OSBPL6: variants seen among roughly 807,000 people sequenced by gnomAD.
The protein encoded by OSBPL6 is oxysterol-binding protein-related protein 6.
OSBPL6 carries 49 observed loss-of-function variants against 125.8 expected under a neutral mutation model. The observed-to-expected ratio is 0.39, with a 90% CI of 0.31 to 0.49. The LOEUF (loss-of-function observed/expected upper bound fraction) is 0.49. Among genes scored for constraint, OSBPL6 ranks in the 20% least tolerant of loss-of-function variants. The pLI is 0.88. For missense variants in OSBPL6, 986 were observed against 1,135.4 expected, an observed-to-expected ratio of 0.87 and a Z score of 1.89; for synonymous variants, 394 against 391.8, an observed-to-expected ratio of 1.01 and a Z score of -0.07.
intron 3 of OSBPL6, among the ~76,000 whole-genome samples, chr2:178,306,970 CA>C (rs1288359816): frequency 1.3e-5 from 2 of 152,200 alleles, no homozygotes; most frequent in Non-Finnish European, 2.9e-5. Flanking sequence ...GTTGTTATTT[CA>C]GCCAGCACAG....
chr2:178,277,336 G>A (rs1400718461), intron 1 of OSBPL6, among the ~76,000 whole-genome samples: 1 of 152,130 alleles, frequency 6.6e-6, no homozygotes, highest in South Asian at 2.1e-4. Flanking sequence ...ATTCTTAGCT[G>A]TATGATCAGT....
rs551863784 is a variant in OSBPL6 at position 178,345,400 on chromosome 2, A to G, written c.988-3824A>G. ...ATGATTAGTAATTGGCTCTTGCCTTATATGTGGGTGTTTAGCTAGACTGAG... is the reference window on the plus strand; with the variant it reads ...ATGATTAGTAATTGGCTCTTGCCTTGTATGTGGGTGTTTAGCTAGACTGAG... On this transcript the variant is annotated intron_variant, in intron 11 of 24. Transcript: ENST00000190611. Among the ~76,000 whole-genome samples, 25 of 152,322 alleles carry G rather than the reference A, an allele frequency of 1.6e-4. No homozygotes were observed. The South Asian group carries it at 5.0e-3, about 30-fold the overall frequency.
At chr2:178,303,945 G>T (rs80223128) in intron 2 of OSBPL6, among the ~76,000 whole-genome samples, 1 of 151,978 alleles carries the variant, frequency 6.6e-6, no homozygotes, top group Non-Finnish European at 1.5e-5. Context: ...ATCTGGTTAC[G>T]TCTCGATGGC....
chr2:178,196,459 T>C (rs1574449445), intron 1 of OSBPL6, among the ~76,000 whole-genome samples: 1 of 152,234 alleles, frequency 6.6e-6, no homozygotes, highest in South Asian at 2.1e-4. Flanking sequence ...CCTTTGGCGG[T>C]ACCTCAGTTT....
At chr2:178,243,917 T>G (rs1574607616) in intron 1 of OSBPL6, among the ~76,000 whole-genome samples, 1 of 152,192 alleles carries the variant, frequency 6.6e-6, no homozygotes, top group Non-Finnish European at 1.5e-5. Context: ...TCCCAAAGTG[T>G]TGGGATTACA....
chr2:178,250,604 C>G (rs2091657379), intron 1 of OSBPL6, among the ~76,000 whole-genome samples: 1 of 152,176 alleles, frequency 6.6e-6, no homozygotes, highest in African/African-American at 2.4e-5. Flanking sequence ...GGCCCCACTT[C>G]CCTTCCTCAG....
chr2:178,344,275 TTCACCG>T, intron 11 of OSBPL6: 1 of 1,613,020 alleles, frequency 6.2e-7, no homozygotes, highest in Non-Finnish European at 8.5e-7. Flanking sequence ...TCTTCTCCCA[TTCACCG>T]TCAGGAAGGG....
chr2:178,310,178 A>G (rs1179404818), intron 3 of OSBPL6, among the ~76,000 whole-genome samples: 2 of 152,210 alleles, frequency 1.3e-5, no homozygotes, highest in African/African-American at 4.8e-5. Flanking sequence ...ACTGGGCTCA[A>G]TAATGCCTTC....
At chr2:178,389,481 T>C (rs1261951642) in intron 21 of OSBPL6, among the ~76,000 whole-genome samples, 1 of 152,262 alleles carries the variant, frequency 6.6e-6, no homozygotes, top group Admixed American at 6.5e-5. Flanking sequence ...GGTTTATATT[T>C]CTGTTTCTCT....
chr2:178,391,077 A>G lies in OSBPL6; in HGVS notation c.2306A>G (p.Asn769Ser). 6.2e-7 allele frequency: 1 copy of G among 1,613,244 alleles called. No homozygotes were observed. The highest frequency in any genetic ancestry group is 8.5e-7 in the Non-Finnish European group (1 of 1,179,692). The change falls in exon 22 of 25, where the codon AAT (asparagine) becomes AGT (serine). Residue 769 changes from asparagine to serine, a missense_variant. Asn to Ser is a conservative substitution (Grantham distance 46). Coordinates refer to ENST00000190611, the MANE Select transcript of OSBPL6 (RefSeq NM_032523.4). ...ATTGGGGTTTGGTTTTTCCAGGTGAATTATTGGAATTCTAACATGAATGAA... is the reference window on the plus strand; with the variant it reads ...ATTGGGGTTTGGTTTTTCCAGGTGAGTTATTGGAATTCTAACATGAATGAA... ...CICKLTFVKV[N>S]YWNSNMNEVQ...
intron 1 of OSBPL6, among the ~76,000 whole-genome samples, chr2:178,263,834 T>TGTGC (rs369791471): frequency 2.1e-5 from 3 of 142,080 alleles, no homozygotes; most frequent in Admixed American, 2.1e-4. Flanking sequence ...TGTGTGTGTG[T>TGTGC]GTGCGTGTAC....
intron 1 of OSBPL6, among the ~76,000 whole-genome samples, chr2:178,216,769 A>G (rs1172979710): frequency 1.3e-5 from 2 of 152,236 alleles, no homozygotes; most frequent in Non-Finnish European, 2.9e-5. Flanking sequence ...TCTTCCTGCC[A>G]GGAATGCATG....
At position 178,395,772 on chromosome 2, in the gene OSBPL6, T is replaced by TAAAAA. The variant is rs746653123; in HGVS notation, c.*237_*241dup. ...TCTGTTTTGCTGCAACCATATTCCT[T>TAAAAA]AAAAAAAAAAAAAAAAAAAAAAAAA... On this transcript the variant is annotated 3_prime_UTR_variant, in exon 25 of 25. Coordinates refer to ENST00000190611, the MANE Select transcript of OSBPL6 (RefSeq NM_032523.4). 5.4e-3 allele frequency: 1,324 copies of TAAAAA among 243,092 alleles called. 22 individuals carry two copies. The highest frequency in any genetic ancestry group is 7.6e-3 in the Non-Finnish European group (993 of 130,050). 15.1% of individuals were successfully genotyped at this position (243,092 alleles called of 1,614,324 possible). A position where few individuals can be genotyped will look rare whatever the true frequency, so the allele number is the denominator to read the frequency against.
intron 1 of OSBPL6, among the ~76,000 whole-genome samples, chr2:178,222,498 C>A (rs908239088): frequency 1.3e-5 from 2 of 152,130 alleles, no homozygotes. Flanking sequence ...AAAAAATTAG[C>A]TGGGTGAGGT....
chr2:178,378,346 A>T (rs1694080524), intron 15 of OSBPL6, among the ~76,000 whole-genome samples: 1 of 152,222 alleles, frequency 6.6e-6, no homozygotes. Flanking sequence ...TAACTGAGCA[A>T]AGGAAGAAAT....
chr2:178,285,445 CA>C lies in OSBPL6; in HGVS notation c.-156+328del, dbSNP rs376751002. On this transcript the variant is annotated intron_variant, in intron 2 of 24. Coordinates refer to ENST00000190611, the MANE Select transcript of OSBPL6 (RefSeq NM_032523.4). ...GTGCAGACCTAAACCTTAAAATAGC[CA>C]AAATGTTATCCTTGCTTTCTTTATA... is the stretch of plus-strand genomic sequence containing the variant. Among the ~76,000 whole-genome samples the C allele has an allele frequency of 2.0e-4, 30 of 152,238 alleles. No homozygotes were observed. The South Asian group carries it at 6.2e-3, about 32-fold the overall frequency.
intron 11 of OSBPL6, among the ~76,000 whole-genome samples, chr2:178,343,772 G>T (rs141979506): frequency 2.6e-5 from 4 of 152,062 alleles, no homozygotes; most frequent in Admixed American, 2.0e-4. Context: ...GTAGGAAGTC[G>T]AAGAACCCTC....
chr2:178,392,366 C>G, intron 22 of OSBPL6, 46 bp from the exon 23 acceptor site: 1 of 1,606,334 alleles, frequency 6.2e-7, no homozygotes, highest in East Asian at 2.2e-5. Context: ...TCTTCCAGTT[C>G]CATAAACCTT....
chr2:178,395,985 G>A lies in OSBPL6; in HGVS notation c.*426G>A. The A allele has an allele frequency of 2.9e-6, 1 of 350,558 alleles. No homozygotes were observed. The highest frequency in any genetic ancestry group is 5.5e-6 in the Non-Finnish European group (1 of 180,542). 21.7% of individuals were successfully genotyped at this position (350,558 alleles called of 1,614,324 possible). On this transcript the variant is annotated 3_prime_UTR_variant, in exon 25 of 25. Coordinates refer to ENST00000190611, the MANE Select transcript of OSBPL6 (RefSeq NM_032523.4). ...CCATCCCCTATCGCAGGACTCCTGG[G>A]CCACAAGCAGTCGGTCAGTGCAGAC... is the stretch of plus-strand genomic sequence containing the variant.
Sources: gnomAD v4.1 joint callset for allele counts (sites outside exome capture counted in the v4.1 genomes callset) on GRCh38, gnomAD v4.1.1 for gene constraint, MANE v1.5 for transcripts, NCBI Gene and HGNC (gene_info 2026-07-23, HGNC 2026-07-21) for gene names.